SORCS1: variants seen among roughly 807,000 people sequenced by gnomAD.
SORCS1 encodes VPS10 domain-containing receptor SorCS1.
Under a neutral mutation model 146.1 loss-of-function variants are expected in SORCS1, and 60 were observed. The ratio of observed to expected loss-of-function variants is 0.41; its 90% CI spans 0.33 to 0.51. SORCS1 has a LOEUF of 0.51. SORCS1 is among the 20% of genes least tolerant of loss of function. The probability of loss-of-function intolerance (pLI) is 0.21; values close to 1 mark genes in which losing one functional copy is unlikely to be tolerated. For missense variants in SORCS1, 1,352 were observed against 1,487.6 expected (o/e 0.91, Z 1.50); for synonymous variants, 637 against 584.0 (o/e 1.09, Z -1.31).
At chr10:106,635,428 C>G (rs536115223) in intron 18 of SORCS1, among the ~76,000 whole-genome samples, 3 of 152,216 alleles carry the variant, frequency 2.0e-5, no homozygotes, top group Admixed American at 1.3e-4. Context: ...ACAAATAACA[C>G]AGTAAATATA....
intron 6 of SORCS1, among the ~76,000 whole-genome samples, chr10:106,709,669 C>T (rs1400559858): frequency 2.6e-5 from 4 of 151,914 alleles, no homozygotes; most frequent in Non-Finnish European, 4.4e-5. Context: ...AGGATGGTCT[C>T]GATCTCCTGA....
At chr10:107,036,971 C>T (rs777376889) in intron 1 of SORCS1, among the ~76,000 whole-genome samples, 10 of 152,100 alleles carry the variant, frequency 6.6e-5, no homozygotes, top group Non-Finnish European at 1.0e-4. Flanking sequence ...CCAGGCTGGG[C>T]GCGGTGGCTC....
chr10:106,976,341 T>TTGTTTTTTTG (rs796732799), intron 1 of SORCS1, among the ~76,000 whole-genome samples: 2 of 140,912 alleles, frequency 1.4e-5, no homozygotes, highest in Non-Finnish European at 1.6e-5. Context: ...TTGTTTTTTT[T>TTGTTTTTTTG]TTTTTTTTGA....
At chr10:106,862,273 C>T (rs1487477091) in intron 2 of SORCS1, among the ~76,000 whole-genome samples, 1 of 152,164 alleles carries the variant, frequency 6.6e-6, no homozygotes, top group Non-Finnish European at 1.5e-5. Context: ...CGCACATCTT[C>T]TTTGTGTATT....
upstream of SORCS1, among the ~76,000 whole-genome samples, chr10:107,167,064 G>T (rs1970066159): frequency 6.6e-6 from 1 of 152,260 alleles, no homozygotes; most frequent in African/African-American, 2.4e-5. Context: ...GGAGTTCATA[G>T]AGAGCAGGCA....
chr10:107,013,719 G>T (rs1041285820), intron 1 of SORCS1, among the ~76,000 whole-genome samples: 2 of 152,162 alleles, frequency 1.3e-5, no homozygotes, highest in Admixed American at 1.3e-4. Context: ...CATCCACTGT[G>T]CAATGACACC....
chr10:106,838,094 C>T (rs1179115422), intron 2 of SORCS1, among the ~76,000 whole-genome samples: 1 of 152,140 alleles, frequency 6.6e-6, no homozygotes, highest in East Asian at 1.9e-4. Flanking sequence ...CTGATGGAGG[C>T]TTGCTTTTCT....
chr10:107,057,222 G>A (rs1960729441), intron 1 of SORCS1, among the ~76,000 whole-genome samples: 1 of 151,818 alleles, frequency 6.6e-6, no homozygotes, highest in African/African-American at 2.4e-5. Flanking sequence ...TCCATCCCCA[G>A]AAAAAAAATT....
At chr10:106,651,967 T>C (rs1849897920) in intron 18 of SORCS1, among the ~76,000 whole-genome samples, 1 of 152,370 alleles carries the variant, frequency 6.6e-6, no homozygotes, top group African/African-American at 2.4e-5. Flanking sequence ...ACCATCGTGT[T>C]GCCCTTGGAA....
intron 1 of SORCS1, among the ~76,000 whole-genome samples, chr10:107,092,944 A>C (rs1964304334): frequency 6.6e-6 from 1 of 151,490 alleles, no homozygotes; most frequent in Non-Finnish European, 1.5e-5. Context: ...CTCAAGTTCA[A>C]TAAGGAAAGA....
chr10:106,955,128 G>A (rs1256435196), intron 2 of SORCS1, among the ~76,000 whole-genome samples: 2 of 152,238 alleles, frequency 1.3e-5, no homozygotes, highest in African/African-American at 4.8e-5. Flanking sequence ...TTGCTGCACT[G>A]TGGCTGGTGG....
intron 5 of SORCS1, among the ~76,000 whole-genome samples, chr10:106,745,883 T>G (rs1232450366): frequency 2.0e-5 from 3 of 152,232 alleles, no homozygotes; most frequent in Non-Finnish European, 4.4e-5. Flanking sequence ...ATTGATATCT[T>G]GTACTCCTTG....
intron 18 of SORCS1, among the ~76,000 whole-genome samples, chr10:106,648,423 C>T (rs745533242): frequency 6.6e-6 from 1 of 152,174 alleles, no homozygotes; most frequent in African/African-American, 2.4e-5. Flanking sequence ...TTTAACTCCA[C>T]TTAATTCGCT....
intron 1 of SORCS1, among the ~76,000 whole-genome samples, chr10:106,984,878 T>C (rs1181639206): frequency 6.6e-6 from 1 of 151,908 alleles, no homozygotes; most frequent in African/African-American, 2.4e-5. Flanking sequence ...ACCTTCTCAT[T>C]AAGTTGTTGA....
At chr10:106,741,365 A>G (rs915476064) in intron 5 of SORCS1, among the ~76,000 whole-genome samples, 2 of 152,152 alleles carry the variant, frequency 1.3e-5, no homozygotes, top group African/African-American at 4.8e-5. Context: ...TTGAGAGGCT[A>G]AGGCAGGTGG....
rs146829496 is a variant in SORCS1, at chr10:106,947,078, T to A, written c.626+9435A>T. 3.3e-3 allele frequency among the ~76,000 whole-genome samples: 498 copies of A among 152,208 alleles called. 8 individuals carry two copies. The highest frequency in any genetic ancestry group is 9.2e-3 in the African/African-American group (383 of 41,508). On this transcript the variant is annotated intron_variant, in intron 2 of 25. Coordinates refer to ENST00000263054, the MANE Select transcript of SORCS1 (RefSeq NM_052918.5). Reference sequence around the variant, plus strand: ...TCACCATCACTTGTGGTCAGGAAAATACCCATTAAAATACACTGAGATCAA... The same window carrying A: ...TCACCATCACTTGTGGTCAGGAAAAAACCCATTAAAATACACTGAGATCAA...
chr10:107,091,779 T>C (rs934645268), intron 1 of SORCS1, among the ~76,000 whole-genome samples: 1 of 152,208 alleles, frequency 6.6e-6, no homozygotes, highest in East Asian at 1.9e-4. Context: ...AAATGATCCA[T>C]TTGGCTACAT....
At chr10:106,988,562 C>G (rs1956596882) in intron 1 of SORCS1, among the ~76,000 whole-genome samples, 1 of 151,546 alleles carries the variant, frequency 6.6e-6, no homozygotes, top group Non-Finnish European at 1.5e-5. Flanking sequence ...TTTTAGAATT[C>G]TGCAAGAAGG....
chr10:107,168,825 T>G (rs1176251427), upstream of SORCS1, among the ~76,000 whole-genome samples: 1 of 152,160 alleles, frequency 6.6e-6, no homozygotes, highest in Non-Finnish European at 1.5e-5. Flanking sequence ...TGTTCTTGAT[T>G]TTATGAAATA....
Sources: gnomAD v4.1 joint callset for allele counts (sites outside exome capture counted in the v4.1 genomes callset) on GRCh38, gnomAD v4.1.1 for gene constraint, MANE v1.5 for transcripts, NCBI Gene and HGNC (gene_info 2026-07-23, HGNC 2026-07-21) for gene names.